SHC4: variants seen among roughly 807,000 people sequenced by gnomAD.
The protein encoded by SHC4 is SHC adaptor protein 4.
In SHC4, 41 loss-of-function variants were observed where a neutral mutation model predicts 69.4. That is an observed-to-expected ratio of 0.59 (90% CI 0.46 to 0.77). The LOEUF (loss-of-function observed/expected upper bound fraction) is 0.77. Among genes scored for constraint, SHC4 ranks in the 30% least tolerant of loss-of-function variants. SHC4 has a pLI of 0.00. For synonymous variants in SHC4, 318 were observed against 299.3 expected (o/e 1.06, Z -0.64); for missense variants, 777 against 783.8 (o/e 0.99, Z 0.10).
intron 1 of SHC4, among the ~76,000 whole-genome samples, chr15:48,958,930 C>A (rs914880052): frequency 4.6e-5 from 7 of 152,202 alleles, no homozygotes; most frequent in Admixed American, 4.6e-4. Context: ...GTTTGCTAGG[C>A]CCCCTTCCCT....
In SHC4 at chr15:48,963,195, G is replaced by C; in HGVS notation, c.-180C>G. 1.6e-6 allele frequency: 1 copy of C among 609,108 alleles called. No individual in the cohort carries two copies. The highest frequency in any genetic ancestry group is 2.9e-5 in the East Asian group (1 of 34,784). The allele number at this position is 609,108 out of a possible 1,614,324, so 37.7% of individuals were successfully genotyped here. A position where few individuals can be genotyped will look rare whatever the true frequency, so the allele number is the denominator to read the frequency against. The stretch of plus-strand genomic sequence containing the variant: ...CCCCTTAAGGGTGACAGCCCATGGG[G>C]GAAACGCCTCCCCTGCTCTGATTTC... On this transcript the variant is annotated 5_prime_UTR_variant, in exon 1 of 12. Transcript: ENST00000332408.
At chr15:48,936,449 G>A (rs1031551913) in intron 1 of SHC4, among the ~76,000 whole-genome samples, 3 of 152,118 alleles carry the variant, frequency 2.0e-5, no homozygotes, top group South Asian at 2.1e-4. Flanking sequence ...CATCTCCTTC[G>A]ATGTCTTTCC....
chr15:48,910,377 T>C (rs1443445825), intron 2 of SHC4, among the ~76,000 whole-genome samples: 1 of 152,152 alleles, frequency 6.6e-6, no homozygotes, highest in Non-Finnish European at 1.5e-5. Context: ...TTGAATGATC[T>C]TTTGTATTTC....
chr15:48,857,799 T>C lies in SHC4; in HGVS notation c.963A>G (p.Glu321=). ...PVNQRACHIL[E]CHNGMAQDVI... is the part of the protein sequence containing the mutation. ...CGTCTTGGGCCATTCCATTGTGGCATTCCAATATGTGACAGGCTGCAAGAG... is the reference window on the plus strand; with the variant it reads ...CGTCTTGGGCCATTCCATTGTGGCACTCCAATATGTGACAGGCTGCAAGAG... Residue 321 remains glutamate (E), a synonymous_variant, in exon 7 of 12, where the codon GAA becomes GAG. Transcript: ENST00000332408. The C allele has an allele frequency of 1.3e-6, 2 of 1,553,812 alleles. No individual in the cohort carries two copies. Among genetic ancestry groups the C allele is most frequent in the Non-Finnish European group, 1.7e-6 (2 of 1,149,158 alleles).
At chr15:48,878,140 C>T (rs747159989) in intron 4 of SHC4, 1 of 1,518,736 alleles carries the variant, frequency 6.6e-7, no homozygotes. Flanking sequence ...ATCTGTCTTG[C>T]TGGAAGCTTT....
chr15:48,921,461 A>C (rs575553921), intron 2 of SHC4, among the ~76,000 whole-genome samples: 1 of 152,032 alleles, frequency 6.6e-6, no homozygotes, highest in East Asian at 1.9e-4. Context: ...CAGCCTCCCA[A>C]GTAGCTGGGA....
At chr15:48,835,089 T>G (rs1898876468) in intron 10 of SHC4, 67 bp from the exon 11 acceptor site, 3 of 1,515,864 alleles carry the variant, frequency 2.0e-6, no homozygotes, top group Non-Finnish European at 2.7e-6. Flanking sequence ...ATTCATTTAT[T>G]CACTCAGTAA....
At chr15:48,933,869 G>A (rs1185162343) in intron 1 of SHC4, among the ~76,000 whole-genome samples, 1 of 152,030 alleles carries the variant, frequency 6.6e-6, no homozygotes, top group African/African-American at 2.4e-5. Context: ...GTTTTCAACC[G>A]ATGGCACCAG....
At chr15:48,889,798 C>A (rs1412206082) in intron 3 of SHC4, among the ~76,000 whole-genome samples, 2 of 152,130 alleles carry the variant, frequency 1.3e-5, no homozygotes, top group East Asian at 3.9e-4. Context: ...GAGCCGAGAT[C>A]GCACCATTGC....
intron 2 of SHC4, among the ~76,000 whole-genome samples, chr15:48,921,455 C>T (rs1595758287): frequency 2.0e-5 from 3 of 152,228 alleles, no homozygotes; most frequent in Admixed American, 2.0e-4. Context: ...CTGCCTCAGC[C>T]TCCCAAGTAG....
intron 4 of SHC4, chr15:48,878,210 G>A: frequency 1.3e-6 from 2 of 1,591,728 alleles, no homozygotes; most frequent in Non-Finnish European, 8.6e-7. Flanking sequence ...CGAGCTGTAT[G>A]AAGAGAGCAG....
rs34904882 is a variant in SHC4, at chr15:48,931,030, A to G, written c.586-6081T>C. 3.7e-3 allele frequency among the ~76,000 whole-genome samples: 561 copies of G among 152,276 alleles called. 2 individuals are homozygous for G. The highest frequency in any genetic ancestry group is 5.1e-3 in the Non-Finnish European group (350 of 68,014). On this transcript the variant is annotated intron_variant, in intron 1 of 11. Transcript: ENST00000332408. ...TCCTACTCACCTATTGGGGTCACCTACCGCTGTCGACCTTTACTCAATCCC... is the reference window on the plus strand; with the variant it reads ...TCCTACTCACCTATTGGGGTCACCTGCCGCTGTCGACCTTTACTCAATCCC...
At chr15:48,885,327 T>C (rs1362735229) in intron 3 of SHC4, among the ~76,000 whole-genome samples, 1 of 149,136 alleles carries the variant, frequency 6.7e-6, no homozygotes, top group Non-Finnish European at 1.5e-5. Context: ...TTATATAAAA[T>C]GTGGGGGGAA....
Position 48,843,492 on chromosome 15 carries a change from T to A in SHC4, c.1400A>T (p.Asn467Ile). 1 of 1,614,174 alleles carries A rather than the reference T, an allele frequency of 6.2e-7. No individual in the cohort carries two copies. The highest frequency in any genetic ancestry group is 1.7e-4 in the Middle Eastern group (1 of 6,056). The change falls in exon 10 of 12, where the codon AAT becomes ATT. Residue 467 changes from asparagine to isoleucine, a missense_variant. Physicochemically the swap from Asn to Ile is moderately radical, Grantham distance 149. Coordinates refer to ENST00000332408, the MANE Select transcript of SHC4 (RefSeq NM_203349.4). Reference sequence around the variant, plus strand: ...AGGTGTACTTTGAAGAGCCTGTGTATTAATGTAGCAGGGGTCATCAAAGAG... The same window carrying A: ...AGGTGTACTTTGAAGAGCCTGTGTAATAATGTAGCAGGGGTCATCAAAGAG... Reference protein sequence around the residue: ...VDLFDDPCYINTQALQSTPGS... With the variant: ...VDLFDDPCYIITQALQSTPGS...
intron 2 of SHC4, among the ~76,000 whole-genome samples, chr15:48,918,896 G>A (rs1415364362): frequency 1.3e-5 from 2 of 151,898 alleles, no homozygotes. Context: ...ACCCTTCTTT[G>A]ATGGGGTTTT....
chr15:48,956,207 T>C (rs926580789), intron 1 of SHC4, among the ~76,000 whole-genome samples: 1 of 152,170 alleles, frequency 6.6e-6, no homozygotes, highest in Non-Finnish European at 1.5e-5. Context: ...CTCCCATCCA[T>C]ACTACCTCCC....
chr15:48,921,505 T>G (rs1900753491), intron 2 of SHC4, among the ~76,000 whole-genome samples: 1 of 152,184 alleles, frequency 6.6e-6, no homozygotes, highest in African/African-American at 2.4e-5. Context: ...TGGCTAATTT[T>G]GTATTTTTTT....
At chr15:48,924,468 A>G (rs1448995295) in intron 2 of SHC4, among the ~76,000 whole-genome samples, 2 of 152,204 alleles carry the variant, frequency 1.3e-5, no homozygotes, top group African/African-American at 4.8e-5. Flanking sequence ...GACAAGGAGT[A>G]AGCAGTTTCT....
chr15:48,925,373 A>G (rs935002627), intron 1 of SHC4, among the ~76,000 whole-genome samples: 2 of 152,232 alleles, frequency 1.3e-5, no homozygotes, highest in African/African-American at 4.8e-5. Context: ...ATTATTTCCT[A>G]CATATAAATA....
Sources: allele counts gnomAD v4.1 joint callset (sites outside exome capture counted in the v4.1 genomes callset), GRCh38; gene constraint gnomAD v4.1.1; transcripts MANE v1.5; gene names NCBI Gene and HGNC (gene_info 2026-07-23, HGNC 2026-07-21).